The following PRSS23 variants were observed in gnomAD, a reference collection of about 807,000 sequenced individuals.
PRSS23 encodes protease, serine 23.
A neutral mutation model predicts 34.7 loss-of-function variants in PRSS23; 25 were observed. That is an observed-to-expected ratio of 0.72 (90% CI 0.53 to 1.01). The LOEUF is 1.01. PRSS23 is among the 50% of genes least tolerant of loss of function. The pLI, the probability that PRSS23 is intolerant of heterozygous loss-of-function variation, is 0.00. For synonymous variants in PRSS23, 176 were observed against 186.6 expected (o/e 0.94, Z 0.46); for missense variants, 445 against 475.6 (o/e 0.94, Z 0.60).
intron 1 of PRSS23, among the ~76,000 whole-genome samples, chr11:86,818,447 TAGTA>T (rs555777827): frequency 1.3e-4 from 20 of 152,340 alleles, no homozygotes; most frequent in East Asian, 1.2e-3. Flanking sequence ...AATTTGTATT[TAGTA>T]AGTGTTTCCG....
At chr11:86,929,866 GCTCT>G (rs1168674094) in intron 2 of PRSS23, among the ~76,000 whole-genome samples, 1 of 152,150 alleles carries the variant, frequency 6.6e-6, no homozygotes, top group Non-Finnish European at 1.5e-5. Context: ...AAATGAGGAA[GCTCT>G]CTAAGTTGTG....
chr11:86,892,269 C>G (rs1239120904), intron 2 of PRSS23: 1 of 152,260 alleles, frequency 6.6e-6, no homozygotes, highest in Non-Finnish European at 1.5e-5. Context: ...GACACTTGGT[C>G]ATCTCTCTGT....
chr11:86,875,536 G>A (rs1454040786), intron 2 of PRSS23, among the ~76,000 whole-genome samples: 1 of 152,194 alleles, frequency 6.6e-6, no homozygotes, highest in Non-Finnish European at 1.5e-5. Flanking sequence ...AATGTTTTGT[G>A]AGTCTATGGC....
intron 1 of PRSS23, among the ~76,000 whole-genome samples, chr11:86,818,066 C>T (rs1948226295): frequency 6.6e-6 from 1 of 152,128 alleles, no homozygotes. Flanking sequence ...TTGTTTGATC[C>T]TTGATGAAGA....
intron 2 of PRSS23, chr11:86,910,743 G>A (rs1046729275): frequency 6.6e-6 from 1 of 152,068 alleles, no homozygotes; most frequent in East Asian, 1.9e-4. Context: ...AAGCAGTATC[G>A]TTGGTTCTAT....
rs9787753 is a variant in PRSS23 at position 86,899,643 on chromosome 11, T to A, written c.207-51573T>A. On this transcript the variant is annotated intron_variant, in intron 2 of 2. Coordinates refer to the PRSS23 transcript ENST00000533902. ...CATTCTCTTGCCTAAGCCTCCCAAG[T>A]AGCTGGGACTACAGATGCCCGCCAC... is the stretch of plus-strand genomic sequence containing the variant. Among the ~76,000 whole-genome samples, 968 of 151,648 alleles carry A rather than the reference T, an allele frequency of 6.4e-3. 40 individuals are homozygous for A. In the East Asian group the frequency reaches 0.12, roughly 18 times the overall value.
intron 2 of PRSS23, among the ~76,000 whole-genome samples, chr11:86,900,072 T>C (rs187330350): frequency 5.3e-5 from 8 of 152,230 alleles, no homozygotes; most frequent in African/African-American, 1.4e-4. Flanking sequence ...TCTTTGAAAA[T>C]AGAGATGTTT....
chr11:86,829,575 A>T (rs1386429918), intron 2 of PRSS23, among the ~76,000 whole-genome samples: 1 of 151,948 alleles, frequency 6.6e-6, no homozygotes, highest in Admixed American at 6.5e-5. Flanking sequence ...TGCTTTTTAG[A>T]GTTTCCAGTT....
intron 2 of PRSS23, among the ~76,000 whole-genome samples, chr11:86,892,027 A>G (rs1189049335): frequency 6.6e-6 from 1 of 152,236 alleles, no homozygotes; most frequent in Non-Finnish European, 1.5e-5. Flanking sequence ...GACTGATACA[A>G]CATCCTATTT....
intron 2 of PRSS23, among the ~76,000 whole-genome samples, chr11:86,882,250 G>A (rs1948776596): frequency 6.6e-6 from 1 of 152,082 alleles, no homozygotes; most frequent in Non-Finnish European, 1.5e-5. Flanking sequence ...GGATGTGTAG[G>A]TTTGTTAGTA....
intron 2 of PRSS23, chr11:86,951,101 T>TC (rs1380145975): frequency 1.2e-6 from 2 of 1,602,562 alleles, no homozygotes; most frequent in Non-Finnish European, 1.7e-6. Flanking sequence ...ATGCTGGCAT[T>TC]CCCCCCTTCA....
At chr11:86,879,221 G>A (rs1388149373) in intron 2 of PRSS23, among the ~76,000 whole-genome samples, 1 of 143,864 alleles carries the variant, frequency 7.0e-6, no homozygotes, top group South Asian at 2.3e-4. Context: ...TGTGGGGAGC[G>A]CCTCTGCCCC....
At chr11:86,926,795 C>T (rs1409401717) in intron 2 of PRSS23, among the ~76,000 whole-genome samples, 3 of 152,196 alleles carry the variant, frequency 2.0e-5, no homozygotes, top group Non-Finnish European at 4.4e-5. Flanking sequence ...CCTCCATCTA[C>T]GTGGGGCAGC....
downstream of PRSS23, among the ~76,000 whole-genome samples, chr11:86,811,566 T>A (rs920905795): frequency 6.6e-6 from 1 of 152,170 alleles, no homozygotes; most frequent in Admixed American, 6.5e-5. Context: ...GGTGGGAAAA[T>A]AGCCTTAAAG....
chr11:86,890,777 C>T (rs543645439), intron 2 of PRSS23, among the ~76,000 whole-genome samples: 141 of 152,184 alleles, frequency 9.3e-4, no homozygotes, highest in Non-Finnish European at 1.7e-3. Flanking sequence ...CTGCTTAGCC[C>T]AATGCCACTG....
intron 2 of PRSS23, among the ~76,000 whole-genome samples, chr11:86,874,017 G>A (rs927228713): frequency 2.1e-4 from 32 of 152,354 alleles, no homozygotes; most frequent in African/African-American, 7.5e-4. Context: ...TCTAATCTAT[G>A]TCTTGTGATG....
chr11:86,929,401 G>A (rs916768148), intron 2 of PRSS23, among the ~76,000 whole-genome samples: 1 of 151,854 alleles, frequency 6.6e-6, no homozygotes, highest in Non-Finnish European at 1.5e-5. Flanking sequence ...CTAGTACTTT[G>A]GGAAGCCGAG....
intron 2 of PRSS23, among the ~76,000 whole-genome samples, chr11:86,925,264 A>G (rs1378628062): frequency 6.6e-6 from 1 of 151,832 alleles, no homozygotes; most frequent in Non-Finnish European, 1.5e-5. Flanking sequence ...ACCCAAGTGA[A>G]AACTGCATTG....
downstream of PRSS23, among the ~76,000 whole-genome samples, chr11:86,814,348 A>G (rs1379708792): frequency 6.7e-6 from 1 of 149,700 alleles, no homozygotes; most frequent in Non-Finnish European, 1.5e-5. Flanking sequence ...TGGGTTCAGT[A>G]GAAGAGAAGG....
Sources: allele counts gnomAD v4.1 joint callset (sites outside exome capture counted in the v4.1 genomes callset), GRCh38; gene constraint gnomAD v4.1.1; transcripts MANE v1.5; gene names NCBI Gene and HGNC (gene_info 2026-07-23, HGNC 2026-07-21).